The following ADAMTS12 variants were observed in gnomAD, a reference collection of about 807,000 sequenced individuals.
ADAMTS12 encodes the protein ADAM metallopeptidase with thrombospondin type 1 motif 12.
In ADAMTS12, 118 loss-of-function variants were observed where a neutral mutation model predicts 167.8. The observed-to-expected ratio is 0.70, with a 90% CI of 0.61 to 0.82. The LOEUF (loss-of-function observed/expected upper bound fraction) is 0.82, where lower values mean the gene tolerates loss of function less well. Ranked by LOEUF, ADAMTS12 falls within the 40% of genes least tolerant of loss-of-function variation. ADAMTS12 has a pLI of 0.00. For synonymous variants in ADAMTS12, 704 were observed against 716.9 expected (o/e 0.98, Z 0.29); for missense variants, 1,916 against 1,998.8 (o/e 0.96, Z 0.79).
chr5:33,676,683 T>C (rs1047106240), intron 5 of ADAMTS12, among the ~76,000 whole-genome samples: 6 of 136,396 alleles, frequency 4.4e-5, no homozygotes, highest in East Asian at 2.2e-4. Context: ...CTGTCTATCT[T>C]ACACACACAC....
At chr5:33,756,776 T>C (rs1745186370) in intron 2 of ADAMTS12, among the ~76,000 whole-genome samples, 1 of 152,164 alleles carries the variant, frequency 6.6e-6, no homozygotes, top group Non-Finnish European at 1.5e-5. Context: ...TGTATCTGCC[T>C]GATAGTTACC....
chr5:33,815,267 G>T (rs1021130597), intron 2 of ADAMTS12, among the ~76,000 whole-genome samples: 4 of 152,186 alleles, frequency 2.6e-5, no homozygotes, highest in Non-Finnish European at 5.9e-5. Context: ...TAAAGTCATA[G>T]ATTGAAGCCC....
intron 2 of ADAMTS12, among the ~76,000 whole-genome samples, chr5:33,860,348 C>G (rs1749562722): frequency 6.6e-6 from 1 of 152,052 alleles, no homozygotes; most frequent in African/African-American, 2.4e-5. Context: ...AAACACAGCA[C>G]AAGAACTTCG....
chr5:33,866,174 A>G (rs1749813012), intron 2 of ADAMTS12, among the ~76,000 whole-genome samples: 1 of 152,122 alleles, frequency 6.6e-6, no homozygotes, highest in Non-Finnish European at 1.5e-5. Flanking sequence ...AAGGTATCAC[A>G]TTACCTCACT....
At chr5:33,746,696 G>A (rs886874052) in intron 3 of ADAMTS12, among the ~76,000 whole-genome samples, 6 of 152,168 alleles carry the variant, frequency 3.9e-5, no homozygotes, top group African/African-American at 7.2e-5. Flanking sequence ...TGCAGTCCCC[G>A]TTATTCAATC....
rs144841427 is a variant in ADAMTS12 at position 33,543,193 on chromosome 5, C to T, written c.4446+2866G>A. On this transcript the variant is annotated intron_variant, in intron 22 of 23. Coordinates refer to ENST00000504830, the MANE Select transcript of ADAMTS12 (RefSeq NM_030955.4). ...ATGATACAGGGGATGTCGCCACCAA[C>T]CTACAGAAATACAAACTACCATCAG... is the stretch of plus-strand genomic sequence containing the variant. 9.5e-3 allele frequency among the ~76,000 whole-genome samples: 1,450 copies of T among 152,180 alleles called. 23 individuals are homozygous for T. Among genetic ancestry groups the T allele is most frequent in the African/African-American group, 0.033 (1,391 of 41,530 alleles).
intron 12 of ADAMTS12, among the ~76,000 whole-genome samples, chr5:33,634,540 A>C (rs1740102915): frequency 6.6e-6 from 1 of 152,198 alleles, no homozygotes; most frequent in African/African-American, 2.4e-5. Context: ...AAGGAAGCTC[A>C]GCTAAGAATT....
rs552053832 is a variant in ADAMTS12, at chr5:33,573,969, T to C, written c.3972+2085A>G. ...GCAGATACTTCTCAAAAGAAGACATTTATGCAGCCAAAAGACACATGAAAA... is the reference window on the plus strand; with the variant it reads ...GCAGATACTTCTCAAAAGAAGACATCTATGCAGCCAAAAGACACATGAAAA... On this transcript the variant is annotated intron_variant, in intron 19 of 23. Coordinates refer to ENST00000504830, the MANE Select transcript of ADAMTS12 (RefSeq NM_030955.4). Among the ~76,000 whole-genome samples the C allele has an allele frequency of 2.6e-5, 4 of 152,342 alleles. No individual in the cohort carries two copies. In the East Asian group the frequency reaches 7.7e-4, roughly 29 times the overall value.
At chr5:33,711,458 T>G (rs1265975411) in intron 3 of ADAMTS12, among the ~76,000 whole-genome samples, 1 of 152,094 alleles carries the variant, frequency 6.6e-6, no homozygotes, top group African/African-American at 2.4e-5. Flanking sequence ...ATTAAAGGCC[T>G]TGTAGGGCTG....
intron 2 of ADAMTS12, among the ~76,000 whole-genome samples, chr5:33,816,611 T>C (rs1171145056): frequency 6.6e-6 from 1 of 152,130 alleles, no homozygotes; most frequent in Non-Finnish European, 1.5e-5. Flanking sequence ...AATTACTACT[T>C]AACAGTTATG....
chr5:33,595,071 T>C (rs1747844808), intron 17 of ADAMTS12, among the ~76,000 whole-genome samples: 1 of 152,172 alleles, frequency 6.6e-6, no homozygotes, highest in Admixed American at 6.5e-5. Flanking sequence ...AATCAACCAA[T>C]ATTCCTTCCT....
chr5:33,738,888 G>A (rs1355649352), intron 3 of ADAMTS12, among the ~76,000 whole-genome samples: 1 of 152,236 alleles, frequency 6.6e-6, no homozygotes, highest in African/African-American at 2.4e-5. Flanking sequence ...TGAGCCCTCT[G>A]CCCTTTCTGG....
At position 33,611,337 on chromosome 5, in the gene ADAMTS12, C is replaced by CT. The variant is rs78216415; in HGVS notation, c.2527+2900dup. Among the ~76,000 whole-genome samples, 293 of 140,880 alleles carry CT rather than the reference C, an allele frequency of 2.1e-3. 1 individual carries two copies. The highest frequency in any genetic ancestry group is 0.018 in the Middle Eastern group (5 of 276). 92.4% of individuals were successfully genotyped at this position (140,880 alleles called of 152,430 possible). Reference sequence around the variant, plus strand: ...GCGCTTCTTGATTGTAGCTGTGGGACTTTTTTTTTTTTTGTCTTTAATAGT... The same window carrying CT: ...GCGCTTCTTGATTGTAGCTGTGGGACTTTTTTTTTTTTTTGTCTTTAATAGT... On this transcript the variant is annotated intron_variant, in intron 16 of 23. Transcript: ENST00000504830.
chr5:33,799,460 C>A (rs1340745191), intron 2 of ADAMTS12, among the ~76,000 whole-genome samples: 1 of 152,152 alleles, frequency 6.6e-6, no homozygotes, highest in Admixed American at 6.5e-5. Context: ...TTTCCCACTT[C>A]AGACTCTGCA....
chr5:33,737,454 CAG>C (rs1744413906), intron 3 of ADAMTS12, among the ~76,000 whole-genome samples: 2 of 152,228 alleles, frequency 1.3e-5, no homozygotes, highest in South Asian at 4.2e-4. Flanking sequence ...CTGATAGGTA[CAG>C]AGTTTCAGTT....
At chr5:33,580,438 CA>C (rs1747006292) in intron 18 of ADAMTS12, among the ~76,000 whole-genome samples, 2 of 94,382 alleles carry the variant, frequency 2.1e-5, no homozygotes, top group African/African-American at 7.1e-5. Context: ...GAACAGCTCC[CA>C]TGATCTAATC....
intron 18 of ADAMTS12, among the ~76,000 whole-genome samples, chr5:33,584,757 T>C (rs575970793): frequency 1.3e-5 from 2 of 152,356 alleles, no homozygotes; most frequent in East Asian, 1.9e-4. Flanking sequence ...TTGCCAGGGC[T>C]GGAAAACCTA....
intron 2 of ADAMTS12, among the ~76,000 whole-genome samples, chr5:33,800,038 G>C (rs947149009): frequency 6.6e-6 from 1 of 152,170 alleles, no homozygotes; most frequent in African/African-American, 2.4e-5. Flanking sequence ...GGCAACACAG[G>C]CTGTGCTAAT....
rs76549621 is a variant in ADAMTS12, at chr5:33,657,286, T to C, written c.1190+898A>G. Among the ~76,000 whole-genome samples the C allele has an allele frequency of 5.3e-3, 803 of 152,302 alleles. 2 individuals are homozygous for C. The highest frequency in any genetic ancestry group is 0.019 in the African/African-American group (773 of 41,578). Reference sequence around the variant, plus strand: ...GTGTTTTTTCCAATCCTGCCTCTTTTCTAGTTGTGCACTAAGAATATTCCC... The same window carrying C: ...GTGTTTTTTCCAATCCTGCCTCTTTCCTAGTTGTGCACTAAGAATATTCCC... On this transcript the variant is annotated intron_variant, in intron 7 of 23. Coordinates refer to ENST00000504830, the MANE Select transcript of ADAMTS12 (RefSeq NM_030955.4).
Sources: allele counts gnomAD v4.1 joint callset (sites outside exome capture counted in the v4.1 genomes callset), GRCh38; gene constraint gnomAD v4.1.1; transcripts MANE v1.5; gene names NCBI Gene and HGNC (gene_info 2026-07-23, HGNC 2026-07-21).